The following TNK1 variants were observed in gnomAD, a reference collection of about 807,000 sequenced individuals.
The protein encoded by TNK1 is non-receptor tyrosine-protein kinase TNK1.
A neutral mutation model predicts 65.2 loss-of-function variants in TNK1; 53 were observed. The observed-to-expected ratio is 0.81, with a 90% CI of 0.65 to 1.02. TNK1 has a LOEUF of 1.02. Among genes scored for constraint, TNK1 ranks in the 50% least tolerant of loss-of-function variants. TNK1 has a pLI of 0.00. For missense variants in TNK1, 837 were observed against 878.4 expected, an observed-to-expected ratio of 0.95 and a Z score of 0.60; for synonymous variants, 353 against 364.6, an observed-to-expected ratio of 0.97 and a Z score of 0.36.
intron 3 of TNK1, 27 bp downstream of exon 3, chr17:7,383,347 G>T (rs201650687): frequency 6.2e-7 from 1 of 1,613,996 alleles, no homozygotes; most frequent in African/African-American, 1.3e-5. Flanking sequence ...GGCAGCTTGG[G>T]CCTGGGAATG....
In TNK1 at chr17:7,384,186, G is replaced by C. The variant is rs1905035565; in HGVS notation, c.799G>C (p.Val267Leu). The change falls in exon 6 of 13, where the codon GTG (valine) becomes CTG (leucine). Residue 267 changes from valine to leucine, a missense_variant. Transcript: ENST00000688331. ...CATCAAGGTGGCTGACTTCGGGCTGGTGCGGCCTCTGGGCGGTGCCCGGGG... is the reference window on the plus strand; with the variant it reads ...CATCAAGGTGGCTGACTTCGGGCTGCTGCGGCCTCTGGGCGGTGCCCGGGG... ...RTIKVADFGL[V>L]RPLGGARGRY... 6.5e-7 allele frequency: 1 copy of C among 1,532,678 alleles called. No homozygotes were observed. Among genetic ancestry groups the C allele is most frequent in the Non-Finnish European group, 8.7e-7 (1 of 1,146,284 alleles). The allele number at this position is 1,532,678 out of a possible 1,614,324, so 94.9% of individuals were successfully genotyped here. A position where few individuals can be genotyped will look rare whatever the true frequency, so the allele number is the denominator to read the frequency against.
chr17:7,383,790 T>C lies in TNK1; in HGVS notation c.508T>C (p.Ser170Pro), dbSNP rs1904989905. ...TELGDFLREVSVMMNLEHPHV... is the reference protein window; with the variant it reads ...TELGDFLREVPVMMNLEHPHV... ...ACTGGGGGACTTCCTGCGAGAGGTA[T>C]CGGTCATGATGAACTTGGAGCACCC... is the stretch of plus-strand genomic sequence containing the variant. The change falls in exon 5 of 13, where the codon TCG (serine) becomes CCG (proline). Residue 170 changes from serine (S) to proline (P), a missense_variant. Ser to Pro is a moderately conservative substitution (Grantham distance 74, BLOSUM62 -1). Coordinates refer to ENST00000688331, the MANE Select transcript of TNK1 (RefSeq NM_003985.6). The C allele has an allele frequency of 6.2e-7, 1 of 1,613,156 alleles. No homozygotes were observed. Among genetic ancestry groups the C allele is most frequent in the Admixed American group, 1.7e-5 (1 of 59,930 alleles).
At chr17:7,380,151 G>A (rs2143069511), upstream of TNK1, among the ~76,000 whole-genome samples, 1 of 152,266 alleles carries the variant, frequency 6.6e-6, no homozygotes, top group South Asian at 2.1e-4. Context: ...AGGACCCGAG[G>A]CTGGGAAACG....
rs753542920 is a variant in TNK1, at chr17:7,383,267, G to A, written c.181G>A (p.Glu61Lys). ...TCCCACAGCCCAGCGCAGACTGTCC[G>A]AAGCTCTGAAAAGGCTACGTTCTGG... ...MGRPAQRRLS[E>K]ALKRLRSGPK... Residue 61 changes from glutamate to lysine, a missense_variant, in exon 3 of 13, where the codon GAA (glutamate) becomes AAA (lysine). Coordinates refer to ENST00000688331, the MANE Select transcript of TNK1 (RefSeq NM_003985.6). The A allele has an allele frequency of 1.5e-5, 25 of 1,613,896 alleles. No homozygotes were observed. The highest frequency in any genetic ancestry group is 1.5e-4 in the African/African-American group (11 of 74,932).
chr17:7,381,394 C>T (rs1239597734), intron 1 of TNK1, among the ~76,000 whole-genome samples: 1 of 152,222 alleles, frequency 6.6e-6, no homozygotes, highest in East Asian at 1.9e-4. Flanking sequence ...AGCCTCGATC[C>T]TCTTCTTCCT....
intron 10 of TNK1, 77 bp downstream of exon 10, chr17:7,387,534 T>C: frequency 8.2e-7 from 1 of 1,213,802 alleles, no homozygotes; most frequent in Admixed American, 2.4e-5. Context: ...CCTAAATCCA[T>C]GCCTTTGCAT....
rs1223336743 is a variant in TNK1, at chr17:7,384,681, T to A, written c.1064T>A (p.Leu355His). 6.3e-7 allele frequency: 1 copy of A among 1,597,824 alleles called. No individual in the cohort carries two copies. The highest frequency in any genetic ancestry group is 8.5e-7 in the Non-Finnish European group (1 of 1,173,572). The change falls in exon 7 of 13, where the codon CTC becomes CAC. Residue 355 changes from leucine to histidine, a missense_variant. Physicochemically the swap from Leu to His is moderately conservative, Grantham distance 99. Transcript: ENST00000688331. ...CTCTGCTCCAGGGCCCTCTACTCCCTCGCCTTGCGCTGCTGGGCCCCCCAC... is the reference window on the plus strand; with the variant it reads ...CTCTGCTCCAGGGCCCTCTACTCCCACGCCTTGCGCTGCTGGGCCCCCCAC... Reference protein sequence around the residue: ...PPLCSRALYSLALRCWAPHPA... With the variant: ...PPLCSRALYSHALRCWAPHPA...
chr17:7,387,884 G>T (rs750816459), intron 10 of TNK1, among the ~76,000 whole-genome samples: 1 of 152,142 alleles, frequency 6.6e-6, no homozygotes, highest in Non-Finnish European at 1.5e-5. Context: ...GATTACAGGC[G>T]TGAGACACTG....
chr17:7,385,625 TGG>T (rs1905138091), intron 7 of TNK1, among the ~76,000 whole-genome samples: 2 of 151,940 alleles, frequency 1.3e-5, no homozygotes, highest in African/African-American at 2.4e-5. Flanking sequence ...AGTGCAGTGG[TGG>T]GATCTTGGCT....
At position 7,383,281 on chromosome 17, in the gene TNK1, G is replaced by C. The variant is rs890166411; in HGVS notation, c.195G>C (p.Arg65Ser). ...AQRRLSEALK[R>S]LRSGPKSKNW... ...GCAGACTGTCCGAAGCTCTGAAAAG[G>C]CTACGTTCTGGGCCTAAGTCTAAGA... The change falls in exon 3 of 13, where the codon AGG (arginine) becomes AGC (serine). Residue 65 changes from arginine to serine, a missense_variant. Transcript: ENST00000688331. 1.2e-6 allele frequency: 2 copies of C among 1,613,916 alleles called. No homozygotes were observed. Among genetic ancestry groups the C allele is most frequent in the African/African-American group, 1.3e-5 (1 of 74,922 alleles).
In TNK1 at chr17:7,382,741, A is replaced by T. The variant is rs112588249; in HGVS notation, c.-91-95A>T. ...ACCCGGATGCCTGGGCACGGGGAAC[A>T]TTCTATCTGGGATTTGTGTGCGTGA... On this transcript the variant is annotated intron_variant, in intron 1 of 12. Transcript: ENST00000688331. This position sits in a 1 kb window ranked among gnomAD's most constrained non-coding sequence, Gnocchi z 4.1. 0.017 allele frequency: 11,324 copies of T among 656,010 alleles called. 205 individuals carry two copies. The highest frequency in any genetic ancestry group is 0.037 in the Admixed American group (1,228 of 33,224). The allele number at this position is 656,010 out of a possible 1,614,324, so 40.6% of individuals were successfully genotyped here. A position where few individuals can be genotyped will look rare whatever the true frequency, so the allele number is the denominator to read the frequency against.
chr17:7,383,197 G>A lies in TNK1; in HGVS notation c.164-53G>A, dbSNP rs144115801. 135 of 1,612,558 alleles carry A rather than the reference G, an allele frequency of 8.4e-5. 1 individual carries two copies. The African/African-American group carries it at 1.6e-3, about 19-fold the overall frequency. On this transcript the variant is annotated intron_variant, in intron 2 of 12. Coordinates refer to ENST00000688331, the MANE Select transcript of TNK1 (RefSeq NM_003985.6). ...CCTTTTCTTCCCTGTAAGTCTCTCC[G>A]CACTCTTCCCCACACCCACCTCCAC...
rs1357420940 is a variant in TNK1, at chr17:7,383,679, A to G, written c.427-30A>G. 9 of 1,605,782 alleles carry G rather than the reference A, an allele frequency of 5.6e-6. No homozygotes were observed. The Admixed American group carries it at 1.0e-4, about 18-fold the overall frequency. On this transcript the variant is annotated intron_variant, in intron 4 of 12. Transcript: ENST00000688331. ...GCCCCCTCTGTTCTTCATGCCCGCA[A>G]TGCCTAAAGGCGCTTCCCCCCACCT...
chr17:7,384,219 G>A lies in TNK1; in HGVS notation c.832G>A (p.Val278Ile), dbSNP rs55939858. The change falls in exon 6 of 13, where the codon GTC becomes ATC. Residue 278 changes from valine (V) to isoleucine (I), a missense_variant. Val to Ile is a conservative substitution (Grantham distance 29). Transcript: ENST00000688331. ...TCTGGGCGGTGCCCGGGGCCGCTAC[G>A]TCATGGGCGGGCCCCGCCCTATCCC... ...RPLGGARGRYVMGGPRPIPYA... is the reference protein window; with the variant it reads ...RPLGGARGRYIMGGPRPIPYA... 5,041 of 1,513,094 alleles carry A rather than the reference G, an allele frequency of 3.3e-3. 145 individuals carry two copies. In the East Asian group the frequency reaches 0.067, roughly 20 times the overall value. 93.7% of individuals were successfully genotyped at this position (1,513,094 alleles called of 1,614,324 possible). A position where few individuals can be genotyped will look rare whatever the true frequency, so the allele number is the denominator to read the frequency against.
chr17:7,383,363 G>A, intron 3 of TNK1, 43 bp downstream of exon 3: 2 of 1,613,950 alleles, frequency 1.2e-6, no homozygotes, highest in Non-Finnish European at 1.7e-6. Context: ...GAATGAGGTG[G>A]CTTGAGGGGC....
chr17:7,387,213 G>T (rs1242398831), intron 9 of TNK1, 59 bp downstream of exon 9: 1 of 1,509,304 alleles, frequency 6.6e-7, no homozygotes, highest in Non-Finnish European at 8.9e-7. Flanking sequence ...AGGTCCAGGA[G>T]CTTCTCTGGA....
intron 9 of TNK1, 103 bp from the exon 10 acceptor site, chr17:7,387,275 C>T (rs1597684065): frequency 1.1e-5 from 17 of 1,498,658 alleles, no homozygotes; most frequent in Non-Finnish European, 1.5e-5. Flanking sequence ...CACCCTGGGC[C>T]CTGGGTCTCC....
At chr17:7,385,297 A>G (rs890073380) in intron 7 of TNK1, among the ~76,000 whole-genome samples, 6 of 149,962 alleles carry the variant, frequency 4.0e-5, no homozygotes, top group Non-Finnish European at 8.9e-5. Flanking sequence ...CCTGGGAGGC[A>G]GAGGTTGCGG....
At chr17:7,386,969 T>C (rs1905211063) in intron 8 of TNK1, 21 bp from the exon 9 acceptor site, 1 of 1,531,040 alleles carries the variant, frequency 6.5e-7, no homozygotes, top group Non-Finnish European at 8.8e-7. Flanking sequence ...CCATCCTATT[T>C]ACCAGCTCCT....
Sources: gnomAD v4.1 joint callset for allele counts (sites outside exome capture counted in the v4.1 genomes callset) on GRCh38, gnomAD v4.1.1 for gene constraint, Gnocchi (gnomAD v3.1) non-coding constraint, MANE v1.5 for transcripts, NCBI Gene and HGNC (gene_info 2026-07-23, HGNC 2026-07-21) for gene names.